The following PRSS12 variants were observed in gnomAD, a reference collection of about 807,000 sequenced individuals.
The protein encoded by PRSS12 is serine protease 12, also known as neurotrypsin.
Under a neutral mutation model 104.4 loss-of-function variants are expected in PRSS12, and 85 were observed. The observed-to-expected ratio is 0.81, with a 90% confidence interval of 0.68 to 0.98. The LOEUF is 0.98. Among genes scored for constraint, PRSS12 ranks in the 50% least tolerant of loss-of-function variants. The pLI, the probability that PRSS12 is intolerant of heterozygous loss-of-function variation, is 0.00. For missense variants in PRSS12, 1,141 were observed against 1,139.2 expected, an observed-to-expected ratio of 1.00 and a Z score of -0.02; for synonymous variants, 454 against 425.2, an observed-to-expected ratio of 1.07 and a Z score of -0.83.
intron 4 of PRSS12, among the ~76,000 whole-genome samples, chr4:118,329,558 C>T (rs562008640): frequency 3.0e-4 from 46 of 152,258 alleles, no homozygotes; most frequent in African/African-American, 1.1e-3. Flanking sequence ...ATAGATACAG[C>T]TAACTAAATA....
intron 11 of PRSS12, among the ~76,000 whole-genome samples, chr4:118,292,670 G>GCATGTGT (rs1560765395): frequency 1.3e-5 from 2 of 152,096 alleles, no homozygotes; most frequent in Non-Finnish European, 2.9e-5. Flanking sequence ...TGCCACTCAG[G>GCATGTGT]TAACACAGGA....
intron 3 of PRSS12, 96 bp downstream of exon 3, chr4:118,335,377 T>G (rs1724033850): frequency 7.0e-7 from 1 of 1,418,996 alleles, no homozygotes; most frequent in Admixed American, 2.1e-5. Flanking sequence ...ATTAAAGTCT[T>G]TAAGGAAATG....
chr4:118,314,747 T>C (rs1441004374), intron 6 of PRSS12, among the ~76,000 whole-genome samples: 1 of 152,090 alleles, frequency 6.6e-6, no homozygotes, highest in Admixed American at 6.6e-5. Flanking sequence ...TAAATGTGAA[T>C]ACTCTGTGCA....
chr4:118,299,412 G>A (rs893562923), intron 8 of PRSS12, among the ~76,000 whole-genome samples: 3 of 152,122 alleles, frequency 2.0e-5, no homozygotes, highest in Non-Finnish European at 4.4e-5. Context: ...CGGGCACGTT[G>A]GCTCATGCCT....
At chr4:118,341,302 G>C (rs982485195) in intron 1 of PRSS12, among the ~76,000 whole-genome samples, 11 of 152,168 alleles carry the variant, frequency 7.2e-5, no homozygotes, top group Non-Finnish European at 1.5e-4. Flanking sequence ...TTTAAGATAA[G>C]TAGTAGTTTT....
intron 8 of PRSS12, among the ~76,000 whole-genome samples, chr4:118,303,031 G>A (rs1743439359): frequency 6.6e-6 from 1 of 151,942 alleles, no homozygotes; most frequent in Admixed American, 6.6e-5. Context: ...AATGGGTGGA[G>A]GTAGAAAGTA....
In PRSS12 at chr4:118,318,487, T is replaced by C. The variant is rs1221096492; in HGVS notation, c.1041A>G (p.Val347=). ...TTGAAAGCTCATTCCCAGTGCAGCGTACTTCATCCAACATAACTGGGCCAG... is the reference window on the plus strand; with the variant it reads ...TTGAAAGCTCATTCCCAGTGCAGCGCACTTCATCCAACATAACTGGGCCAG... The part of the protein sequence containing the change: ...EGSGPVMLDE[V]RCTGNELSIE... Residue 347 remains valine, a synonymous_variant, in exon 5 of 13, where the codon GTA becomes GTG. Transcript: ENST00000296498. 2.5e-6 allele frequency: 4 copies of C among 1,614,058 alleles called. No homozygotes were observed. The African/African-American group carries it at 4.0e-5, about 16-fold the overall frequency.
chr4:118,292,767 T>A (rs1363213042), intron 11 of PRSS12, among the ~76,000 whole-genome samples: 2 of 152,064 alleles, frequency 1.3e-5, no homozygotes, highest in Non-Finnish European at 2.9e-5. Context: ...ACAGGTTTGA[T>A]CAGGCTGGGA....
At position 118,282,004 on chromosome 4, in the gene PRSS12, C is replaced by A; in HGVS notation, c.2560G>T (p.Asp854Tyr). 1.3e-6 allele frequency: 2 copies of A among 1,596,084 alleles called. No individual in the cohort carries two copies. The highest frequency in any genetic ancestry group is 1.1e-5 in the South Asian group (1 of 90,686). ...ACTTTGGTATAAACACCAGGAGAAT[C>A]CTTGACTCCACAGCCATACCCCCAG... is the stretch of plus-strand genomic sequence containing the variant. ...TSWGYGCGVK[D>Y]SPGVYTKVSA... is the part of the protein sequence containing the mutation. The change falls in exon 13 of 13, where the codon GAT (aspartate) becomes TAT (tyrosine). Residue 854 changes from aspartate (D) to tyrosine (Y), a missense_variant. Coordinates refer to ENST00000296498, the MANE Select transcript of PRSS12 (RefSeq NM_003619.4).
At chr4:118,288,955 G>A (rs867246614) in intron 11 of PRSS12, among the ~76,000 whole-genome samples, 1 of 152,176 alleles carries the variant, frequency 6.6e-6, no homozygotes, top group African/African-American at 2.4e-5. Flanking sequence ...CTTCAGGTGC[G>A]CTTGTTACAT....
At chr4:118,296,264 T>A (rs1393241020) in intron 9 of PRSS12, among the ~76,000 whole-genome samples, 17 of 152,218 alleles carry the variant, frequency 1.1e-4, no homozygotes, top group Admixed American at 1.1e-3. Flanking sequence ...AAGACTGTTC[T>A]AAGTCACATA....
rs1279849768 is a variant in PRSS12, at chr4:118,280,195, C to CTAGT, written c.*1737_*1740dup. 1.3e-5 allele frequency: 2 copies of CTAGT among 152,210 alleles called. No individual in the cohort carries two copies. The highest frequency in any genetic ancestry group is 4.8e-5 in the African/African-American group (2 of 41,454). The allele number at this position is 152,210 out of a possible 1,614,324, so 9.4% of individuals were successfully genotyped here. A position where few individuals can be genotyped will look rare whatever the true frequency, so the allele number is the denominator to read the frequency against. On this transcript the variant is annotated 3_prime_UTR_variant, in exon 13 of 13. Coordinates refer to ENST00000296498, the MANE Select transcript of PRSS12 (RefSeq NM_003619.4). ...GGCTGCTTGCTGCCTTTTAGGTTTG[C>CTAGT]TAGTCCCTGATCTACTTGAAACAGA...
At chr4:118,305,458 ACTT>A (rs1184309177) in intron 8 of PRSS12, among the ~76,000 whole-genome samples, 1 of 152,014 alleles carries the variant, frequency 6.6e-6, no homozygotes, top group East Asian at 1.9e-4. Context: ...ATCTAAAATC[ACTT>A]CTTTTTTAGC....
Position 118,338,223 on chromosome 4 carries a change from G to A in PRSS12, c.594C>T (p.His198=). 1.9e-6 allele frequency: 3 copies of A among 1,614,022 alleles called. No homozygotes were observed. Among genetic ancestry groups the A allele is most frequent in the African/African-American group, 1.3e-5 (1 of 75,042 alleles). Residue 198 remains histidine, a synonymous_variant, in exon 2 of 13, where the codon CAC becomes CAT. Transcript: ENST00000296498. ...TGACTGATGCATCAGAATCATCCCAGTGGCTGCTACAGACAGTGCCCCAAA... is the reference window on the plus strand; with the variant it reads ...TGACTGATGCATCAGAATCATCCCAATGGCTGCTACAGACAGTGCCCCAAA... ...SGVWGTVCSS[H]WDDSDASVIC...
intron 10 of PRSS12, among the ~76,000 whole-genome samples, 165 bp from the exon 11 acceptor site, chr4:118,295,226 C>G (rs1419054763): frequency 6.6e-6 from 1 of 152,094 alleles, no homozygotes; most frequent in Non-Finnish European, 1.5e-5. Context: ...AGAAGGAGAC[C>G]CCACAACTCT....
intron 7 of PRSS12, among the ~76,000 whole-genome samples, chr4:118,312,388 A>T (rs1743762715): frequency 6.6e-6 from 1 of 152,122 alleles, no homozygotes; most frequent in African/African-American, 2.4e-5. Context: ...ACACACATAC[A>T]CATACACACA....
chr4:118,307,066 A>C (rs1743575154), intron 8 of PRSS12, among the ~76,000 whole-genome samples: 3 of 151,632 alleles, frequency 2.0e-5, no homozygotes, highest in Non-Finnish European at 4.4e-5. Context: ...AACAAGAATA[A>C]TTTTTTTTTC....
chr4:118,315,705 G>A (rs1743887342), intron 6 of PRSS12, among the ~76,000 whole-genome samples: 1 of 152,144 alleles, frequency 6.6e-6, no homozygotes, highest in African/African-American at 2.4e-5. Context: ...TCAAAAGCAA[G>A]TTCTAAAGGT....
chr4:118,325,323 T>TAA (rs756487567), intron 4 of PRSS12, among the ~76,000 whole-genome samples: 3 of 132,750 alleles, frequency 2.3e-5, no homozygotes, highest in African/African-American at 2.7e-5. Flanking sequence ...AGCTGAAAAT[T>TAA]AAAAAAAAAA....
Sources: gnomAD v4.1 joint callset for allele counts (sites outside exome capture counted in the v4.1 genomes callset) on GRCh38, gnomAD v4.1.1 for gene constraint, MANE v1.5 for transcripts, NCBI Gene and HGNC (gene_info 2026-07-23, HGNC 2026-07-21) for gene names.